The following TNRC6B variants were observed in gnomAD, a reference collection of about 807,000 sequenced individuals.
The protein encoded by TNRC6B is trinucleotide repeat containing adaptor 6B.
A neutral mutation model predicts 203.6 loss-of-function variants in TNRC6B; 52 were observed. The ratio of observed to expected loss-of-function variants is 0.26; its 90% CI spans 0.20 to 0.32. The LOEUF is 0.32. Ranked by LOEUF, TNRC6B falls within the 10% of genes least tolerant of loss-of-function variation. The pLI is 1.00. For missense variants in TNRC6B, 1,923 were observed against 2,286.2 expected, an observed-to-expected ratio of 0.84 and a Z score of 3.24; for synonymous variants, 838 against 845.7, an observed-to-expected ratio of 0.99 and a Z score of 0.16.
At chr22:40,164,824 C>T (rs1460286088) in intron 4 of TNRC6B, among the ~76,000 whole-genome samples, 4 of 143,256 alleles carry the variant, frequency 2.8e-5, no homozygotes, top group African/African-American at 1.1e-4. Context: ...TCTGCCCAGG[C>T]TGGAGTGCAG....
chr22:40,239,064 G>A (rs568134794), intron 1 of TNRC6B, among the ~76,000 whole-genome samples: 4 of 152,280 alleles, frequency 2.6e-5, no homozygotes, highest in South Asian at 2.1e-4. Context: ...TTAGCTGGGC[G>A]TGGTGGCAGG....
intron 8 of TNRC6B, 67 bp downstream of exon 8, chr22:40,277,218 T>C: frequency 3.4e-6 from 4 of 1,167,960 alleles, no homozygotes; most frequent in Non-Finnish European, 4.9e-6. Flanking sequence ...ATACCAATTT[T>C]AAGACAACTG....
rs150672024 is a variant in TNRC6B at position 40,234,440 on chromosome 22, G to A, written c.6-11575G>A. Among the ~76,000 whole-genome samples, 14 of 152,274 alleles carry A rather than the reference G, an allele frequency of 9.2e-5. No individual in the cohort carries two copies. The South Asian group carries it at 1.0e-3, about 11-fold the overall frequency. On this transcript the variant is annotated intron_variant, in intron 1 of 22. Coordinates refer to ENST00000454349, the MANE Select transcript of TNRC6B (RefSeq NM_001162501.2). ...AAAAGAAACAACCAAGTGCATACTCGTGTGCTGCTCAAAGATCTAGGGACC... is the reference window on the plus strand; with the variant it reads ...AAAAGAAACAACCAAGTGCATACTCATGTGCTGCTCAAAGATCTAGGGACC...
chr22:40,085,223 A>G (rs774362517), intron 1 of TNRC6B, among the ~76,000 whole-genome samples: 2 of 152,180 alleles, frequency 1.3e-5, no homozygotes, highest in African/African-American at 2.4e-5. Flanking sequence ...TCACACGTAC[A>G]TATTTCATTC....
chr22:40,236,739 C>G (rs1482137047), intron 1 of TNRC6B, among the ~76,000 whole-genome samples: 2 of 152,196 alleles, frequency 1.3e-5, no homozygotes, highest in Non-Finnish European at 2.9e-5. Flanking sequence ...TCATTCCCAT[C>G]AGCCTACAGG....
At chr22:40,150,927 T>G (rs2068745997) in intron 3 of TNRC6B, among the ~76,000 whole-genome samples, 1 of 151,952 alleles carries the variant, frequency 6.6e-6, no homozygotes, top group Admixed American at 6.6e-5. Context: ...ATAAGGAAAC[T>G]CTCCCTTACC....
intron 22 of TNRC6B, 97 bp downstream of exon 22, chr22:40,321,326 A>G: frequency 7.1e-7 from 1 of 1,404,706 alleles, no homozygotes. Flanking sequence ...ACCAGAACAT[A>G]TACGAAGAAT....
intron 1 of TNRC6B, among the ~76,000 whole-genome samples, chr22:40,188,002 C>A (rs916866573): frequency 6.6e-6 from 1 of 152,028 alleles, no homozygotes; most frequent in Admixed American, 6.6e-5. Flanking sequence ...GGTGGATCAC[C>A]TGAGGTCAGG....
At chr22:40,177,162 T>C (rs548412721), upstream of TNRC6B, among the ~76,000 whole-genome samples, 63 of 152,248 alleles carry the variant, frequency 4.1e-4, no homozygotes, top group African/African-American at 1.5e-3. Context: ...GGTTTTAATT[T>C]AGTGCCTAGG....
At chr22:40,310,768 C>A in intron 16 of TNRC6B, 49 bp from the exon 17 acceptor site, 1 of 1,536,180 alleles carries the variant, frequency 6.5e-7, no homozygotes, top group South Asian at 1.2e-5. Flanking sequence ...TAGACAAGTT[C>A]TATTCATAGG....
chr22:40,050,745 C>T (rs947607570), intron 1 of TNRC6B, among the ~76,000 whole-genome samples: 4 of 152,018 alleles, frequency 2.6e-5, no homozygotes, highest in Non-Finnish European at 2.9e-5. Flanking sequence ...AACAGACTTC[C>T]AGTAAATATT....
Position 40,266,746 on chromosome 22 carries a change from C to T in TNRC6B, c.2516C>T (p.Ser839Leu), listed in dbSNP as rs1049247952. 2 of 1,613,830 alleles carry T rather than the reference C, an allele frequency of 1.2e-6. No individual in the cohort carries two copies. Among genetic ancestry groups the T allele is most frequent in the Non-Finnish European group, 1.7e-6 (2 of 1,179,832 alleles). Reference protein sequence around the residue: ...PPPPQPEASGSWGGPPPPPPG... With the variant: ...PPPPQPEASGLWGGPPPPPPG... ...CCACCACAACCAGAGGCTTCTGGTT[C>T]GTGGGGAGGCCCACCCCCACCACCT... The change falls in exon 5 of 23, where the codon TCG becomes TTG. Residue 839 changes from serine to leucine, a missense_variant. By Grantham distance (145) the Ser-to-Leu change is moderately radical. Around this residue, in one of 8 missense-constraint regions of TNRC6B, gnomAD observed 599 missense variants for 656.5 expected, o/e 0.91. Transcript: ENST00000454349.
chr22:40,253,570 T>A (rs775977234), intron 3 of TNRC6B: 61 of 455,706 alleles, frequency 1.3e-4, no homozygotes, highest in Admixed American at 1.2e-3. Flanking sequence ...TTTCACAGTC[T>A]CCCTACTCTC....
At chr22:40,052,121 C>T (rs547870912) in intron 1 of TNRC6B, among the ~76,000 whole-genome samples, 21 of 152,314 alleles carry the variant, frequency 1.4e-4, no homozygotes, top group Middle Eastern at 3.4e-3. Context: ...GCTTCCTTAT[C>T]CAAATGTGCC....
intron 17 of TNRC6B, among the ~76,000 whole-genome samples, chr22:40,311,543 AT>A (rs879411389): frequency 3.4e-3 from 484 of 143,892 alleles, no homozygotes; most frequent in Admixed American, 6.8e-3. Flanking sequence ...TTAAGGTAGA[AT>A]TTTTTTTTTT....
intron 1 of TNRC6B, among the ~76,000 whole-genome samples, chr22:40,061,679 T>A (rs1451933534): frequency 6.6e-6 from 1 of 152,208 alleles, no homozygotes; most frequent in Non-Finnish European, 1.5e-5. Flanking sequence ...TTTGGTTAAT[T>A]AGCTGTATTT....
intron 1 of TNRC6B, among the ~76,000 whole-genome samples, chr22:40,097,712 ACACT>A (rs2068196981): frequency 2.1e-5 from 3 of 144,934 alleles, no homozygotes; most frequent in Non-Finnish European, 3.0e-5. Flanking sequence ...ACACACACAC[ACACT>A]GTATTATACA....
Position 40,323,106 on chromosome 22 carries a change from C to T in TNRC6B, c.5367C>T (p.Gly1789=), listed in dbSNP as rs749532897. ...GCAGCAGCGGGGCCGATCTTGCTGG[C>T]GCTTCATTGTGGGGGCCCCCAAACT... is the stretch of plus-strand genomic sequence containing the variant. ...AGGSSGADLA[G]ASLWGPPNYS... The change falls in exon 23 of 23, where the codon GGC becomes GGT. Residue 1789 remains glycine, a synonymous_variant. Transcript: ENST00000454349. 82 of 1,611,020 alleles carry T rather than the reference C, an allele frequency of 5.1e-5. No individual in the cohort carries two copies. The highest frequency in any genetic ancestry group is 1.8e-4 in the South Asian group (16 of 90,774).
At chr22:40,295,342 C>T (rs1378113056) in intron 12 of TNRC6B, among the ~76,000 whole-genome samples, 3 of 151,806 alleles carry the variant, frequency 2.0e-5, no homozygotes, top group Non-Finnish European at 2.9e-5. Flanking sequence ...AGCGTGGTGG[C>T]GGGCACCCGT....
Sources: gnomAD v4.1 joint callset for allele counts (sites outside exome capture counted in the v4.1 genomes callset) on GRCh38, gnomAD v4.1.1 for gene constraint, gnomAD v4.1.1 regional missense constraint, MANE v1.5 for transcripts, NCBI Gene and HGNC (gene_info 2026-07-23, HGNC 2026-07-21) for gene names.